SPPL2A: variants seen among roughly 807,000 people sequenced by gnomAD.
SPPL2A encodes the protein signal peptide peptidase like 2A.
In SPPL2A, 51 loss-of-function variants were observed where a neutral mutation model predicts 63.8. The ratio of observed to expected loss-of-function variants is 0.80; its 90% CI spans 0.64 to 1.01. SPPL2A has a LOEUF of 1.01. Ranked by LOEUF, SPPL2A falls within the 50% of genes least tolerant of loss-of-function variation. SPPL2A has a pLI of 0.00. For missense variants in SPPL2A, 553 were observed against 622.7 expected, an observed-to-expected ratio of 0.89 and a Z score of 1.19; for synonymous variants, 188 against 205.8, an observed-to-expected ratio of 0.91 and a Z score of 0.74.
chr15:50,711,769 T>C (rs1427204175), intron 14 of SPPL2A, among the ~76,000 whole-genome samples: 1 of 152,002 alleles, frequency 6.6e-6, no homozygotes, highest in Non-Finnish European at 1.5e-5. Flanking sequence ...TTATCAGGCA[T>C]TCGAATGAAC....
intron 13 of SPPL2A, 139 bp downstream of exon 13, chr15:50,721,985 T>A: frequency 1.8e-6 from 1 of 564,748 alleles, no homozygotes; most frequent in Non-Finnish European, 3.2e-6. Flanking sequence ...GCAATCTGCC[T>A]GCCTTGGCCC....
At chr15:50,721,610 T>A (rs1455066463) in intron 13 of SPPL2A, among the ~76,000 whole-genome samples, 23 of 149,528 alleles carry the variant, frequency 1.5e-4, no homozygotes, top group Non-Finnish European at 1.8e-4. Flanking sequence ...AAAAATAATT[T>A]TTTTTTTTTT....
intron 1 of SPPL2A, 105 bp downstream of exon 1, chr15:50,765,363 G>C (rs1161266496): frequency 1.3e-6 from 1 of 785,440 alleles, no homozygotes; most frequent in Non-Finnish European, 1.9e-6. Context: ...CCGCGGAGGT[G>C]CGGGCAGAGG....
intron 10 of SPPL2A, among the ~76,000 whole-genome samples, chr15:50,728,896 C>G (rs2062709311): frequency 6.6e-6 from 1 of 152,010 alleles, no homozygotes; most frequent in Non-Finnish European, 1.5e-5. Context: ...TCACTGCAAC[C>G]TCCACCTTGT....
At chr15:50,755,370 C>T (rs1339423906) in intron 1 of SPPL2A, among the ~76,000 whole-genome samples, 3 of 151,318 alleles carry the variant, frequency 2.0e-5, no homozygotes, top group African/African-American at 7.3e-5. Context: ...CCTGCAATCC[C>T]AGCGCTTTGG....
chr15:50,726,369 C>G lies in SPPL2A; in HGVS notation c.1098G>C (p.Glu366Asp), dbSNP rs201913226. Reference protein sequence around the residue: ...FITPFITKNGESIMVELAAGP... With the variant: ...FITPFITKNGDSIMVELAAGP... The stretch of plus-strand genomic sequence containing the variant: ...CAGCTGCGAGTTCAACCATGATACT[C>G]TCACCATTCTAAAATTGAGAAGGAA... Residue 366 changes from glutamate (E) to aspartate (D), a missense_variant, in exon 11 of 15, where the codon GAG (glutamate) becomes GAC (aspartate). Physicochemically the swap from Glu to Asp is conservative, Grantham distance 45. Coordinates refer to ENST00000261854, the MANE Select transcript of SPPL2A (RefSeq NM_032802.4). 6.2e-7 allele frequency: 1 copy of G among 1,613,776 alleles called. No individual in the cohort carries two copies. The highest frequency in any genetic ancestry group is 8.5e-7 in the Non-Finnish European group (1 of 1,179,698).
Position 50,748,775 on chromosome 15 carries a change from T to G in SPPL2A, c.273A>C (p.Pro91=), listed in dbSNP as rs1204721298. The G allele has an allele frequency of 6.2e-7, 1 of 1,612,242 alleles. No homozygotes were observed. Reference sequence around the variant, plus strand: ...TTTCAAGAAAATGGCAGCTTCCCCATGGAACCACAACTGCTTTGCTCTTTA... The same window carrying G: ...TTTCAAGAAAATGGCAGCTTCCCCAGGGAACCACAACTGCTTTGCTCTTTA... ...VGIKSKAVVV[P]WGSCHFLEKA... is the part of the protein sequence containing the mutation. The change falls in exon 3 of 15, where the codon CCA becomes CCC. Residue 91 remains proline, a synonymous_variant. Coordinates refer to ENST00000261854, the MANE Select transcript of SPPL2A (RefSeq NM_032802.4).
intron 6 of SPPL2A, among the ~76,000 whole-genome samples, chr15:50,737,539 G>A (rs979955366): frequency 6.6e-6 from 1 of 152,130 alleles, no homozygotes. Context: ...CGCAACCTCC[G>A]CCTCCCAGGC....
rs555710277 is a variant in SPPL2A at position 50,708,815 on chromosome 15, C to T, written c.1489-941G>A. On this transcript the variant is annotated intron_variant, in intron 14 of 14. Coordinates refer to ENST00000261854, the MANE Select transcript of SPPL2A (RefSeq NM_032802.4). ...TTGGGAGGCCGAAGTGGGTGGATCA[C>T]GAGATCAGGAGATCCAGATGGTCCT... Among the ~76,000 whole-genome samples, 13 of 151,908 alleles carry T rather than the reference C, an allele frequency of 8.6e-5. No homozygotes were observed. In the South Asian group the frequency reaches 1.5e-3, roughly 17 times the overall value.
At chr15:50,725,809 TTCTA>T (rs1394618374) in intron 11 of SPPL2A, 4 of 238,778 alleles carry the variant, frequency 1.7e-5, no homozygotes, top group African/African-American at 6.8e-5. Context: ...AATACTCTGT[TTCTA>T]TCTATTTCCA....
At chr15:50,757,072 C>CACATCCTA (rs1371264210) in intron 1 of SPPL2A, among the ~76,000 whole-genome samples, 2 of 141,314 alleles carry the variant, frequency 1.4e-5, no homozygotes, top group Non-Finnish European at 3.1e-5. Context: ...CAGTTCCTCC[C>CACATCCTA]ACATCCTAAA....
intron 1 of SPPL2A, among the ~76,000 whole-genome samples, chr15:50,754,381 C>G (rs1445707963): frequency 6.6e-6 from 1 of 152,178 alleles, no homozygotes; most frequent in African/African-American, 2.4e-5. Flanking sequence ...CAGCATTGTA[C>G]TACATAGCTT....
chr15:50,726,787 T>C (rs148181039), intron 10 of SPPL2A, among the ~76,000 whole-genome samples: 14 of 152,344 alleles, frequency 9.2e-5, no homozygotes, highest in Middle Eastern at 3.4e-3. Context: ...AAGATCATAC[T>C]AAAATCTTTT....
Position 50,703,356 on chromosome 15 carries a change from A to ATATATT in SPPL2A, c.*4443_*4444insAATATA, listed in dbSNP as rs1196710672. On this transcript the variant is annotated 3_prime_UTR_variant, in exon 15 of 15. Transcript: ENST00000261854. ...TATATATATATATATACATATATAT[A>ATATATT]TTTTTTTTTTTTTTTTTTTTTTTTG... 9 of 62,048 alleles carry ATATATT rather than the reference A, an allele frequency of 1.5e-4. No individual in the cohort carries two copies. Among genetic ancestry groups the ATATATT allele is most frequent in the East Asian group, 5.2e-4 (1 of 1,914 alleles). 3.8% of individuals were successfully genotyped at this position (62,048 alleles called of 1,614,324 possible).
intron 6 of SPPL2A, among the ~76,000 whole-genome samples, 179 bp downstream of exon 6, chr15:50,739,501 T>A (rs1460652801): frequency 6.6e-6 from 1 of 152,016 alleles, no homozygotes; most frequent in African/African-American, 2.4e-5. Flanking sequence ...TTAATCTGAA[T>A]ATTTTTATCT....
At chr15:50,723,597 T>A (rs2062664328) in intron 12 of SPPL2A, among the ~76,000 whole-genome samples, 1 of 152,158 alleles carries the variant, frequency 6.6e-6, no homozygotes, top group African/African-American at 2.4e-5. Context: ...TGTCTCAGCC[T>A]CCCAAGTAGC....
intron 6 of SPPL2A, 123 bp downstream of exon 6, chr15:50,739,557 T>C (rs2062801107): frequency 1.6e-6 from 1 of 622,768 alleles, no homozygotes; most frequent in Non-Finnish European, 2.6e-6. Flanking sequence ...AAAAAATTAA[T>C]ATTAACCAAA....
At chr15:50,729,922 CTTGAGCCCAGGAGT>C (rs2062717628) in intron 10 of SPPL2A, among the ~76,000 whole-genome samples, 2 of 150,914 alleles carry the variant, frequency 1.3e-5, no homozygotes, top group Non-Finnish European at 2.9e-5. Context: ...GACTCCTGGG[CTTGAGCCCAGGAGT>C]TTGAGGCTGC....
At chr15:50,749,001 T>A (rs1035954257) in intron 2 of SPPL2A, 131 bp from the exon 3 acceptor site, 3 of 515,312 alleles carry the variant, frequency 5.8e-6, no homozygotes, top group Non-Finnish European at 9.8e-6. Flanking sequence ...ATATTTAGGC[T>A]TAGAATTAAG....
Sources: gnomAD v4.1 joint callset for allele counts (sites outside exome capture counted in the v4.1 genomes callset) on GRCh38, gnomAD v4.1.1 for gene constraint, MANE v1.5 for transcripts, NCBI Gene and HGNC (gene_info 2026-07-23, HGNC 2026-07-21) for gene names.